ALDH1A2: variants seen among roughly 807,000 people sequenced by gnomAD.
ALDH1A2 encodes the protein retinal dehydrogenase 2.
In ALDH1A2, 27 loss-of-function variants were observed where a neutral mutation model predicts 60.3. That is an observed-to-expected ratio of 0.45 (90% CI 0.33 to 0.62). The LOEUF is 0.62. Among genes scored for constraint, ALDH1A2 ranks in the 20% least tolerant of loss-of-function variants. The pLI is 0.02. For missense variants in ALDH1A2, 581 were observed against 643.8 expected, an observed-to-expected ratio of 0.90 and a Z score of 1.06; for synonymous variants, 289 against 232.4, an observed-to-expected ratio of 1.24 and a Z score of -2.21.
intron 12 of ALDH1A2, among the ~76,000 whole-genome samples, chr15:57,957,697 C>T (rs1276583056): frequency 1.3e-5 from 2 of 152,186 alleles, no homozygotes; most frequent in African/African-American, 4.8e-5. Context: ...AAACTTGGCA[C>T]ACCTAGAGGC....
intron 7 of ALDH1A2, among the ~76,000 whole-genome samples, chr15:57,975,283 G>A (rs1262096854): frequency 6.6e-6 from 1 of 152,208 alleles, no homozygotes; most frequent in Non-Finnish European, 1.5e-5. Context: ...GTCCCAAACT[G>A]AAAACAATCC....
At chr15:57,979,058 G>C (rs1442678884) in intron 7 of ALDH1A2, among the ~76,000 whole-genome samples, 1 of 152,086 alleles carries the variant, frequency 6.6e-6, no homozygotes, top group East Asian at 1.9e-4. Flanking sequence ...CGGTGGTGGT[G>C]TGGGGAGTTG....
At chr15:57,983,979 G>T (rs997594076) in intron 7 of ALDH1A2, among the ~76,000 whole-genome samples, 1 of 152,194 alleles carries the variant, frequency 6.6e-6, no homozygotes, top group Non-Finnish European at 1.5e-5. Context: ...AGGAAAAAAC[G>T]GAGTTACAAT....
At chr15:58,035,515 A>T (rs1405317898) in intron 1 of ALDH1A2, among the ~76,000 whole-genome samples, 1 of 151,606 alleles carries the variant, frequency 6.6e-6, no homozygotes, top group Non-Finnish European at 1.5e-5. Flanking sequence ...TTCCTAAAAA[A>T]GCTTAGACTA....
At chr15:57,991,670 T>C (rs537879743) in intron 7 of ALDH1A2, 201 of 152,336 alleles carry the variant, frequency 1.3e-3, no homozygotes, top group African/African-American at 4.5e-3. Context: ...TAATAACTTA[T>C]AGTGATTATA....
chr15:58,065,583 A>G lies in ALDH1A2; in HGVS notation c.68T>C (p.Leu23Pro). 1 of 1,613,296 alleles carries G rather than the reference A, an allele frequency of 6.2e-7. No individual in the cohort carries two copies. Among genetic ancestry groups the G allele is most frequent in the Middle Eastern group, 1.7e-4 (1 of 6,058 alleles). The part of the protein sequence containing the change: ...KADPAALMAS[L>P]HLLPSPTPNL... ...GGGCGTGGGCGACGGCAGGAGGTGC[A>G]GCGACGCCATGAGGGCGGCGGGGTC... Residue 23 changes from leucine to proline, a missense_variant, in exon 1 of 13, where the codon CTG (leucine) becomes CCG (proline). Physicochemically the swap from Leu to Pro is moderately conservative, Grantham distance 98. This residue lies in a region of ALDH1A2 where 206 missense variants were observed against 174.1 expected (regional missense o/e 1.18). Coordinates refer to ENST00000249750, the MANE Select transcript of ALDH1A2 (RefSeq NM_003888.4).
chr15:57,976,372 A>G (rs2140467839), intron 7 of ALDH1A2, among the ~76,000 whole-genome samples: 1 of 152,208 alleles, frequency 6.6e-6, no homozygotes, highest in Middle Eastern at 3.4e-3. Flanking sequence ...GGTTTGCTGC[A>G]CCCATCAACC....
chr15:58,023,535 TAAC>T lies in ALDH1A2; in HGVS notation c.118-9257_118-9255del, dbSNP rs560269189. Among the ~76,000 whole-genome samples, 6 of 151,356 alleles carry T rather than the reference TAAC, an allele frequency of 4.0e-5. No individual in the cohort carries two copies. The South Asian group carries it at 8.3e-4, about 21-fold the overall frequency. ...GAAGTCAATGATAAAGAGAAAATCC[TAAC>T]AACAGCAACAGAAAAGCATCTAGTC... On this transcript the variant is annotated intron_variant, in intron 1 of 12. Transcript: ENST00000249750.
intron 6 of ALDH1A2, 52 bp downstream of exon 6, chr15:57,992,893 G>GAGCATATCTTACA: frequency 6.2e-7 from 1 of 1,613,602 alleles, no homozygotes; most frequent in Non-Finnish European, 8.5e-7. Flanking sequence ...TGCTCTAGTA[G>GAGCATATCTTACA]GCTCCAGCTG....
intron 4 of ALDH1A2, among the ~76,000 whole-genome samples, chr15:57,995,785 G>C (rs1895041670): frequency 6.6e-6 from 1 of 151,918 alleles, no homozygotes; most frequent in African/African-American, 2.4e-5. Flanking sequence ...ATGTCCTAGG[G>C]GCTAAAAGAA....
At chr15:57,986,218 A>G (rs1329280121) in intron 7 of ALDH1A2, among the ~76,000 whole-genome samples, 3 of 152,202 alleles carry the variant, frequency 2.0e-5, no homozygotes, top group East Asian at 1.9e-4. Flanking sequence ...CTATGAATCT[A>G]GAGAAAAGGA....
At position 58,025,093 on chromosome 15, in the gene ALDH1A2, A is replaced by G. The variant is rs181674787; in HGVS notation, c.118-10812T>C. Reference sequence around the variant, plus strand: ...CATCTAAAAAAAGTAGAAAGATTATAAATTAATAATCTTTATCAATGTACC... The same window carrying G: ...CATCTAAAAAAAGTAGAAAGATTATGAATTAATAATCTTTATCAATGTACC... On this transcript the variant is annotated intron_variant, in intron 1 of 12. Transcript: ENST00000249750. 1.7e-3 allele frequency among the ~76,000 whole-genome samples: 262 copies of G among 152,260 alleles called. 1 individual carries two copies. Among genetic ancestry groups the G allele is most frequent in the Admixed American group, 0.011 (161 of 15,304 alleles).
chr15:58,047,679 G>A (rs1896668823), intron 1 of ALDH1A2, among the ~76,000 whole-genome samples: 1 of 151,874 alleles, frequency 6.6e-6, no homozygotes, highest in African/African-American at 2.4e-5. Flanking sequence ...TACCTATACA[G>A]AGTAAAACAA....
At chr15:58,020,164 C>T (rs1462175230) in intron 1 of ALDH1A2, among the ~76,000 whole-genome samples, 1 of 152,112 alleles carries the variant, frequency 6.6e-6, no homozygotes, top group Non-Finnish European at 1.5e-5. Flanking sequence ...GATCTCATTC[C>T]TTTGTATGGC....
intron 7 of ALDH1A2, among the ~76,000 whole-genome samples, chr15:57,981,912 G>A (rs577841760): frequency 2.6e-5 from 4 of 152,118 alleles, no homozygotes; most frequent in African/African-American, 7.2e-5. Context: ...CTTACAGTTC[G>A]AGAGGCTGGG....
intron 7 of ALDH1A2, among the ~76,000 whole-genome samples, chr15:57,985,069 A>T (rs1894650771): frequency 6.6e-6 from 1 of 152,140 alleles, no homozygotes; most frequent in Non-Finnish European, 1.5e-5. Context: ...AGATGTTGGT[A>T]TATAGTTTTC....
Position 58,009,459 on chromosome 15 carries a change from G to A in ALDH1A2, c.493+1190C>T, listed in dbSNP as rs1895559882. 2.6e-5 allele frequency among the ~76,000 whole-genome samples: 4 copies of A among 151,800 alleles called. No homozygotes were observed. In the South Asian group the frequency reaches 8.3e-4, roughly 31 times the overall value. ...CAGTACTGCTCAGCCTGGCTAAGAA[G>A]GCCCAAAAGAGACACTTCGAAGTCC... is the stretch of plus-strand genomic sequence containing the variant. On this transcript the variant is annotated intron_variant, in intron 4 of 12. Coordinates refer to ENST00000249750, the MANE Select transcript of ALDH1A2 (RefSeq NM_003888.4).
chr15:58,024,008 G>T (rs557281310), intron 1 of ALDH1A2, among the ~76,000 whole-genome samples: 2 of 152,114 alleles, frequency 1.3e-5, no homozygotes, highest in African/African-American at 2.4e-5. Flanking sequence ...CAGGAGAATC[G>T]CTTGAACCTG....
Position 57,962,183 on chromosome 15 carries a change from G to C in ALDH1A2, c.1087-7C>G, listed in dbSNP as rs2140450396. 1 of 1,613,908 alleles carries C rather than the reference G, an allele frequency of 6.2e-7. No individual in the cohort carries two copies. Among genetic ancestry groups the C allele is most frequent in the Non-Finnish European group, 8.5e-7 (1 of 1,179,844 alleles). On this transcript the variant is annotated splice_polypyrimidine_tract_variant and splice_region_variant and intron_variant, in intron 9 of 12. Coordinates refer to ENST00000249750, the MANE Select transcript of ALDH1A2 (RefSeq NM_003888.4). ...TGTACTGTTTCTTATCAATCTGTGG[G>C]AGACAAGACTTAATGACTCCAAATA...
Sources: allele counts gnomAD v4.1 joint callset (sites outside exome capture counted in the v4.1 genomes callset), GRCh38; gene constraint gnomAD v4.1.1; regional missense constraint gnomAD v4.1.1; transcripts MANE v1.5; gene names NCBI Gene and HGNC (gene_info 2026-07-23, HGNC 2026-07-21).